NXPE2: variants seen among roughly 807,000 people sequenced by gnomAD.
The protein encoded by NXPE2 is NXPE family member 2.
Under a neutral mutation model 34.4 loss-of-function variants are expected in NXPE2, and 34 were observed. The ratio of observed to expected loss-of-function variants is 0.99; its 90% CI spans 0.75 to 1.31. The LOEUF is 1.31. NXPE2 is among the 40% of genes most tolerant of loss of function. The pLI is 0.00. For missense variants in NXPE2, 649 were observed against 672.5 expected, an observed-to-expected ratio of 0.97 and a Z score of 0.39; for synonymous variants, 235 against 231.3, an observed-to-expected ratio of 1.02 and a Z score of -0.15.
chr11:114,626,193 C>T, the NXPE2 span, among the ~76,000 whole-genome samples: 2 of 152,168 alleles, frequency 1.3e-5, no homozygotes, highest in African/African-American at 4.8e-5. Flanking sequence ...GGAGGGCTGC[C>T]TGCCTCTGTA....
At chr11:114,742,443 C>T in the NXPE2 span, among the ~76,000 whole-genome samples, 1 of 152,058 alleles carries the variant, frequency 6.6e-6, no homozygotes, top group African/African-American at 2.4e-5. Flanking sequence ...AGAAGTGGGC[C>T]TCTTGGGAGG....
At chr11:114,617,515 A>T in the NXPE2 span, among the ~76,000 whole-genome samples, 5 of 152,120 alleles carry the variant, frequency 3.3e-5, no homozygotes, top group African/African-American at 1.2e-4. Context: ...ACCGGTGGAT[A>T]ATACGTGTTG....
the NXPE2 span, among the ~76,000 whole-genome samples, chr11:114,620,209 G>A: frequency 6.6e-6 from 1 of 151,916 alleles, no homozygotes; most frequent in South Asian, 2.1e-4. Context: ...ACTAACTTTT[G>A]CCTGATGGGT....
At chr11:114,509,253 A>C in the NXPE2 span, among the ~76,000 whole-genome samples, 1 of 152,066 alleles carries the variant, frequency 6.6e-6, no homozygotes, top group South Asian at 2.1e-4. Flanking sequence ...AAAACAAACA[A>C]ACAAATAAAA....
chr11:114,479,624 C>T, the NXPE2 span, among the ~76,000 whole-genome samples: 199 of 151,990 alleles, frequency 1.3e-3, 1 homozygote, highest in African/African-American at 4.4e-3. Context: ...TTTTGGACAC[C>T]GAGTCAGCCA....
chr11:114,524,313 T>C, the NXPE2 span, among the ~76,000 whole-genome samples: 9 of 152,198 alleles, frequency 5.9e-5, no homozygotes, highest in Non-Finnish European at 1.5e-5. Context: ...CAGTGAGTAT[T>C]GGGGAACCAT....
At chr11:114,795,649 C>T in the NXPE2 span, among the ~76,000 whole-genome samples, 1 of 152,204 alleles carries the variant, frequency 6.6e-6, no homozygotes, top group African/African-American at 2.4e-5. Context: ...CATCAGTTGG[C>T]ATTCAACACA....
chr11:114,641,980 A>G, the NXPE2 span, among the ~76,000 whole-genome samples: 1 of 152,106 alleles, frequency 6.6e-6, no homozygotes, highest in Non-Finnish European at 1.5e-5. Context: ...TAACAACACA[A>G]TTGATGAGAA....
the NXPE2 span, among the ~76,000 whole-genome samples, chr11:114,635,718 A>T: frequency 1.3e-5 from 2 of 152,140 alleles, no homozygotes; most frequent in South Asian, 4.2e-4. Context: ...ATCTATTGAG[A>T]TAATCATGTG....
the NXPE2 span, among the ~76,000 whole-genome samples, chr11:114,766,710 C>G: frequency 9.2e-3 from 1,404 of 152,164 alleles, 22 homozygotes; most frequent in African/African-American, 0.031. Flanking sequence ...TCTCAGTGTT[C>G]AGGTTCATGC....
chr11:114,633,537 T>G, the NXPE2 span, among the ~76,000 whole-genome samples: 1 of 151,638 alleles, frequency 6.6e-6, no homozygotes, highest in Non-Finnish European at 1.5e-5. Flanking sequence ...CATATATACA[T>G]GTGCCATGCT....
the NXPE2 span, among the ~76,000 whole-genome samples, chr11:114,812,342 G>C: frequency 6.6e-6 from 1 of 152,192 alleles, no homozygotes; most frequent in Non-Finnish European, 1.5e-5. Flanking sequence ...CTGTCCCAGA[G>C]CATATCTAAA....
Position 114,706,686 on chromosome 11 carries a change from G to A in NXPE2, c.1436G>A (p.Arg479Gln), listed in dbSNP as rs367906083. 1.4e-4 allele frequency: 217 copies of A among 1,552,074 alleles called. No homozygotes were observed. Among genetic ancestry groups the A allele is most frequent in the Non-Finnish European group, 1.6e-4 (184 of 1,147,066 alleles). Residue 479 changes from arginine to glutamine, a missense_variant, in exon 6 of 6, where the codon CGA becomes CAA. Arg to Gln is a conservative substitution (Grantham distance 43). Coordinates refer to ENST00000389586, the MANE Select transcript of NXPE2 (RefSeq NM_182495.6). ...IQKAIERLFL[R>Q]SPETKVILKT... ...AAGGCCATTGAACGTCTATTCTTGC[G>A]AAGCCCGGAGACCAAGGTGATACTT...
the NXPE2 span, among the ~76,000 whole-genome samples, chr11:114,504,162 C>T: frequency 6.6e-6 from 1 of 152,224 alleles, no homozygotes; most frequent in Non-Finnish European, 1.5e-5. Flanking sequence ...TTCATTTGCC[C>T]TGCCAGTAGC....
the NXPE2 span, among the ~76,000 whole-genome samples, chr11:114,623,924 A>T: frequency 6.6e-6 from 1 of 152,054 alleles, no homozygotes; most frequent in Non-Finnish European, 1.5e-5. Flanking sequence ...TACCCAGTGG[A>T]TAATAAGAAC....
chr11:114,558,401 A>G, the NXPE2 span, among the ~76,000 whole-genome samples: 2 of 152,128 alleles, frequency 1.3e-5, no homozygotes, highest in Non-Finnish European at 2.9e-5. Context: ...TTGTTTTCAT[A>G]GTTAGTTTCA....
At chr11:114,582,292 CA>C in the NXPE2 span, 3 of 1,565,784 alleles carry the variant, frequency 1.9e-6, no homozygotes, top group Non-Finnish European at 2.6e-6. Context: ...TTTTACCTTT[CA>C]AAGAGGCTCT....
the NXPE2 span, among the ~76,000 whole-genome samples, chr11:114,670,232 A>G: frequency 6.6e-6 from 1 of 152,054 alleles, no homozygotes; most frequent in Non-Finnish European, 1.5e-5. Flanking sequence ...ACAGATGGAG[A>G]GAGCTTAGAG....
At chr11:114,550,334 A>G in the NXPE2 span, among the ~76,000 whole-genome samples, 1 of 152,162 alleles carries the variant, frequency 6.6e-6, no homozygotes, top group Non-Finnish European at 1.5e-5. Flanking sequence ...ACTTACTTGT[A>G]AAAATCTTTG....
Sources: gnomAD v4.1 joint callset for allele counts (sites outside exome capture counted in the v4.1 genomes callset) on GRCh38, gnomAD v4.1.1 for gene constraint, MANE v1.5 for transcripts, NCBI Gene and HGNC (gene_info 2026-07-23, HGNC 2026-07-21) for gene names.